RCSD1: variants seen among roughly 807,000 people sequenced by gnomAD.
RCSD1 encodes the protein capZ-interacting protein.
A neutral mutation model predicts 42.5 loss-of-function variants in RCSD1; 26 were observed. That is an observed-to-expected ratio of 0.61 (90% CI 0.45 to 0.85). RCSD1 has a LOEUF of 0.85. Ranked by LOEUF, RCSD1 falls within the 40% of genes least tolerant of loss-of-function variation. The pLI, the probability that RCSD1 is intolerant of heterozygous loss-of-function variation, is 0.00. For missense variants in RCSD1, 571 were observed against 528.3 expected, an observed-to-expected ratio of 1.08 and a Z score of -0.79; for synonymous variants, 220 against 212.2, an observed-to-expected ratio of 1.04 and a Z score of -0.32.
At chr1:167,672,272 GA>G (rs1370657861) in intron 1 of RCSD1, among the ~76,000 whole-genome samples, 8 of 152,186 alleles carry the variant, frequency 5.3e-5, no homozygotes, top group Admixed American at 5.2e-4. Flanking sequence ...TATGTTCTCA[GA>G]ACTCAGAACA....
chr1:167,704,629 T>C, intron 6 of RCSD1, 35 bp from the exon 7 acceptor site: 1 of 1,599,698 alleles, frequency 6.3e-7, no homozygotes, highest in African/African-American at 1.3e-5. Context: ...TTCCTCACCA[T>C]TTTCCTAATT....
In RCSD1 at chr1:167,685,398, T is replaced by C. The variant is rs779524543; in HGVS notation, c.109-23T>C. On this transcript the variant is annotated intron_variant, in intron 2 of 6. Transcript: ENST00000367854. ...TCAGTGCTCTCTTTTTCTCTGTGTG[T>C]CTGTCTGTCGCCCTCCCTCCAGACA... The C allele has an allele frequency of 1.9e-5, 31 of 1,596,682 alleles. No homozygotes were observed. In the South Asian group the frequency reaches 3.2e-4, roughly 17 times the overall value.
Position 167,706,229 on chromosome 1 carries a change from G to A in RCSD1, c.*1533G>A, listed in dbSNP as rs906913912. The A allele has an allele frequency of 1.3e-5, 2 of 152,100 alleles. No individual in the cohort carries two copies. Among genetic ancestry groups the A allele is most frequent in the Non-Finnish European group, 2.9e-5 (2 of 68,024 alleles). 9.4% of individuals were successfully genotyped at this position (152,100 alleles called of 1,614,324 possible). ...TATTGTCATAGCTATGATAAACTTT[G>A]GATATTAGCAGAATTTGGGAGATGT... On this transcript the variant is annotated 3_prime_UTR_variant, in exon 7 of 7. Transcript: ENST00000367854.
chr1:167,665,272 C>T lies in RCSD1; in HGVS notation c.7-18628C>T, dbSNP rs533253511. On this transcript the variant is annotated intron_variant, in intron 1 of 6. Transcript: ENST00000367854. Reference sequence around the variant, plus strand: ...TAACACAATGCTTTTCAGATTCATGCATGTTGCTGTGTGTATCAGTAGTTT... The same window carrying T: ...TAACACAATGCTTTTCAGATTCATGTATGTTGCTGTGTGTATCAGTAGTTT... Among the ~76,000 whole-genome samples the T allele has an allele frequency of 2.0e-5, 3 of 152,274 alleles. No individual in the cohort carries two copies. In the East Asian group the frequency reaches 5.8e-4, roughly 29 times the overall value.
chr1:167,652,302 G>T (rs1658331881), intron 1 of RCSD1, among the ~76,000 whole-genome samples: 1 of 152,144 alleles, frequency 6.6e-6, no homozygotes, highest in South Asian at 2.1e-4. Context: ...GATTACAGGC[G>T]TGAGCCACCA....
At chr1:167,673,419 T>C (rs148372266) in intron 1 of RCSD1, among the ~76,000 whole-genome samples, 146 of 152,354 alleles carry the variant, frequency 9.6e-4, no homozygotes, top group Admixed American at 2.0e-3. Flanking sequence ...ACAGCCTCAG[T>C]ATAACAGCTT....
Position 167,634,012 on chromosome 1 carries a change from T to G in RCSD1, c.6+3583T>G, listed in dbSNP as rs139901375. ...ATACAAAGCCTTTTGCAGGCAGATT[T>G]TCTCATTGGTCTTTGAGTCTCCAGA... is the stretch of plus-strand genomic sequence containing the variant. On this transcript the variant is annotated intron_variant, in intron 1 of 6. Transcript: ENST00000367854. 6.1e-3 allele frequency among the ~76,000 whole-genome samples: 927 copies of G among 152,302 alleles called. 7 individuals are homozygous for G. The highest frequency in any genetic ancestry group is 0.018 in the East Asian group (94 of 5,188).
At position 167,633,829 on chromosome 1, in the gene RCSD1, A is replaced by G. The variant is rs567921672; in HGVS notation, c.6+3400A>G. 2.0e-5 allele frequency: 3 copies of G among 152,344 alleles called. No homozygotes were observed. In the South Asian group the frequency reaches 6.2e-4, roughly 32 times the overall value. The allele number at this position is 152,344 out of a possible 1,614,324, so 9.4% of individuals were successfully genotyped here. A position where few individuals can be genotyped will look rare whatever the true frequency, so the allele number is the denominator to read the frequency against. ...CAGGTGAGAAAGCATCTTTTCCAGT[A>G]CAGGTATATTCTGACTTCAGGATAC... On this transcript the variant is annotated intron_variant, in intron 1 of 6. Transcript: ENST00000367854.
At chr1:167,660,622 G>A (rs1286550636) in intron 1 of RCSD1, among the ~76,000 whole-genome samples, 4 of 152,078 alleles carry the variant, frequency 2.6e-5, no homozygotes, top group African/African-American at 9.7e-5. Context: ...ATAGGTGCAT[G>A]CCAGCATGCT....
intron 1 of RCSD1, among the ~76,000 whole-genome samples, chr1:167,666,103 T>C (rs916479121): frequency 2.0e-5 from 3 of 152,218 alleles, no homozygotes; most frequent in Non-Finnish European, 4.4e-5. Context: ...TAAGCCACCA[T>C]GCCTAGCCAA....
intron 1 of RCSD1, among the ~76,000 whole-genome samples, chr1:167,658,078 C>T (rs1025794284): frequency 6.6e-6 from 1 of 152,078 alleles, no homozygotes; most frequent in African/African-American, 2.4e-5. Flanking sequence ...CAGGTGTGCA[C>T]CACCACACCT....
chr1:167,696,830 C>A (rs574832610), intron 5 of RCSD1, among the ~76,000 whole-genome samples: 2 of 152,254 alleles, frequency 1.3e-5, no homozygotes, highest in East Asian at 1.9e-4. Context: ...GCAATAAAAT[C>A]ATGAGTTTTT....
intron 3 of RCSD1, among the ~76,000 whole-genome samples, chr1:167,689,805 G>T (rs181106653): frequency 3.9e-5 from 6 of 152,308 alleles, no homozygotes; most frequent in African/African-American, 1.4e-4. Context: ...GAGACCTTCT[G>T]TGTTAAGGAT....
At chr1:167,681,872 C>G (rs778823709) in intron 1 of RCSD1, among the ~76,000 whole-genome samples, 1 of 152,192 alleles carries the variant, frequency 6.6e-6, no homozygotes, top group African/African-American at 2.4e-5. Context: ...CCTTATGTGG[C>G]AAGTGTGAGG....
intron 1 of RCSD1, among the ~76,000 whole-genome samples, chr1:167,649,715 G>T (rs78903639): frequency 0.023 from 3,500 of 152,260 alleles, 150 homozygotes; most frequent in African/African-American, 0.08. Context: ...GAGAAAAGGA[G>T]TTTGAGAGGA....
At chr1:167,696,349 T>C (rs1659497367) in intron 5 of RCSD1, among the ~76,000 whole-genome samples, 1 of 151,916 alleles carries the variant, frequency 6.6e-6, no homozygotes, top group Non-Finnish European at 1.5e-5. Context: ...TTATGCAAAA[T>C]AGAGATTTTA....
intron 1 of RCSD1, chr1:167,638,568 C>G (rs1009767434): frequency 2.0e-5 from 3 of 152,262 alleles, no homozygotes; most frequent in Non-Finnish European, 4.4e-5. Flanking sequence ...GGGGAGACAA[C>G]AGGCTCCTCA....
chr1:167,693,830 C>G (rs1659434207), intron 4 of RCSD1, among the ~76,000 whole-genome samples: 1 of 151,666 alleles, frequency 6.6e-6, no homozygotes, highest in East Asian at 1.9e-4. Context: ...TGAGCTTGTT[C>G]TGGGAAATTT....
At chr1:167,687,937 C>T (rs1659275721) in intron 3 of RCSD1, among the ~76,000 whole-genome samples, 1 of 152,222 alleles carries the variant, frequency 6.6e-6, no homozygotes, top group Admixed American at 6.5e-5. Flanking sequence ...GAAAAGCATT[C>T]CCATCTGGAA....
Sources: allele counts gnomAD v4.1 joint callset (sites outside exome capture counted in the v4.1 genomes callset), GRCh38; gene constraint gnomAD v4.1.1; transcripts MANE v1.5; gene names NCBI Gene and HGNC (gene_info 2026-07-23, HGNC 2026-07-21).